The following EML5 variants were observed in gnomAD, a reference collection of about 807,000 sequenced individuals.
EML5 encodes the protein echinoderm microtubule-associated protein-like 5.
Under a neutral mutation model 250.0 loss-of-function variants are expected in EML5, and 120 were observed. The observed-to-expected ratio is 0.48, with a 90% CI of 0.41 to 0.56. The LOEUF (loss-of-function observed/expected upper bound fraction) is 0.56, where lower values mean the gene tolerates loss of function less well. EML5 is among the 20% of genes least tolerant of loss of function. The pLI is 0.00. For missense variants in EML5, 2,006 were observed against 2,437.6 expected (o/e 0.82, Z 3.73); for synonymous variants, 771 against 806.5 (o/e 0.96, Z 0.75).
In EML5 at chr14:88,626,883, C is replaced by T. The variant is rs200107954; in HGVS notation, c.4695G>A (p.Leu1565=). 1.1e-4 allele frequency: 183 copies of T among 1,613,976 alleles called. No individual in the cohort carries two copies. The highest frequency in any genetic ancestry group is 1.5e-4 in the Non-Finnish European group (176 of 1,179,872). The change falls in exon 35 of 44, where the codon CTG becomes CTA. Residue 1565 remains leucine (L), a synonymous_variant. Transcript: ENST00000554922. ...GCATGGTCTGCATCCGGGCATCTTCCAGTGTGCTCAGTAGCCCTTTTTTGC... is the reference window on the plus strand; with the variant it reads ...GCATGGTCTGCATCCGGGCATCTTCTAGTGTGCTCAGTAGCCCTTTTTTGC... The part of the protein sequence containing the change: ...LLSKKGLLST[L]EDARMQTMLA...
intron 1 of EML5, among the ~76,000 whole-genome samples, chr14:88,766,185 A>G (rs141645795): frequency 0.039 from 5,928 of 152,212 alleles, 392 homozygotes; most frequent in African/African-American, 0.13. Flanking sequence ...CAAATTGTTT[A>G]AACAATATGA....
At chr14:88,622,530 A>C (rs1473244598) in intron 37 of EML5, 74 bp downstream of exon 37, 6 of 1,198,992 alleles carry the variant, frequency 5.0e-6, no homozygotes, top group East Asian at 2.6e-5. Context: ...ATTAGGCTGC[A>C]AAGGGTGAGG....
intron 19 of EML5, among the ~76,000 whole-genome samples, chr14:88,685,822 A>T (rs750889441): frequency 4.6e-5 from 7 of 152,116 alleles, no homozygotes; most frequent in Non-Finnish European, 8.8e-5. Flanking sequence ...TAGCTGTTAT[A>T]CTGTATTTTT....
At position 88,674,342 on chromosome 14, in the gene EML5, TCA is replaced by T. The variant is rs576300182; in HGVS notation, c.3124+7546_3124+7547del. Among the ~76,000 whole-genome samples, 12 of 152,300 alleles carry T rather than the reference TCA, an allele frequency of 7.9e-5. 1 individual carries two copies. The South Asian group carries it at 2.3e-3, about 29-fold the overall frequency. Reference sequence around the variant, plus strand: ...TATAAAGGAAAGAGATTTAATTGACTCACAGTTCTGTATTTCTGAGGAGGCCT... The same window carrying T: ...TATAAAGGAAAGAGATTTAATTGACTCAGTTCTGTATTTCTGAGGAGGCCT... On this transcript the variant is annotated intron_variant, in intron 21 of 43. Transcript: ENST00000554922.
At chr14:88,780,980 C>T (rs557440862) in intron 1 of EML5, among the ~76,000 whole-genome samples, 4 of 152,174 alleles carry the variant, frequency 2.6e-5, no homozygotes, top group Non-Finnish European at 5.9e-5. Flanking sequence ...TTGATTAAAT[C>T]ATCTGGTACT....
At position 88,620,625 on chromosome 14, in the gene EML5, T is replaced by C. The variant is rs765744509; in HGVS notation, c.5375+129A>G. 5.6e-5 allele frequency: 42 copies of C among 743,450 alleles called. No individual in the cohort carries two copies. The highest frequency in any genetic ancestry group is 8.1e-5 in the Non-Finnish European group (41 of 505,178). The allele number at this position is 743,450 out of a possible 1,614,324, so 46.1% of individuals were successfully genotyped here. A position where few individuals can be genotyped will look rare whatever the true frequency, so the allele number is the denominator to read the frequency against. On this transcript the variant is annotated intron_variant, in intron 39 of 43. Transcript: ENST00000554922. This position sits in a 1 kb window ranked among gnomAD's most constrained non-coding sequence, Gnocchi z 4.3. ...GTATACAAACAGCCATATTTTAGCA[T>C]ACAATTTATAATACGGGAAATGCTA...
intron 8 of EML5, among the ~76,000 whole-genome samples, chr14:88,721,998 C>A (rs374060566): frequency 1.3e-5 from 2 of 152,048 alleles, no homozygotes; most frequent in African/African-American, 2.4e-5. Flanking sequence ...ATGTGGCCAA[C>A]AAACATATGA....
intron 30 of EML5, among the ~76,000 whole-genome samples, chr14:88,643,388 T>C (rs2091174147): frequency 6.6e-6 from 1 of 151,922 alleles, no homozygotes; most frequent in African/African-American, 2.4e-5. Context: ...AAAAAAACAA[T>C]AAAAAATAAC....
intron 1 of EML5, among the ~76,000 whole-genome samples, chr14:88,781,242 G>A (rs921907592): frequency 6.6e-6 from 1 of 152,212 alleles, no homozygotes; most frequent in African/African-American, 2.4e-5. Flanking sequence ...AAGCTGGTGT[G>A]TTCTGTCAGC....
intron 21 of EML5, among the ~76,000 whole-genome samples, chr14:88,673,909 C>T (rs946169477): frequency 2.6e-5 from 4 of 152,084 alleles, no homozygotes; most frequent in Non-Finnish European, 5.9e-5. Context: ...CATGCTCATA[C>T]ATAGGAAGAA....
chr14:88,626,932 G>T lies in EML5; in HGVS notation c.4646C>A (p.Thr1549Asn). The T allele has an allele frequency of 5.6e-6, 9 of 1,613,930 alleles. No individual in the cohort carries two copies. Among genetic ancestry groups the T allele is most frequent in the Non-Finnish European group, 7.6e-6 (9 of 1,179,862 alleles). Residue 1549 changes from threonine to asparagine, a missense_variant, in exon 35 of 44, where the codon ACC becomes AAC. Thr to Asn is a moderately conservative substitution (Grantham distance 65). This residue lies in a region of EML5 where 405 missense variants were observed against 523.3 expected (regional missense o/e 0.77). Coordinates refer to ENST00000554922, the MANE Select transcript of EML5 (RefSeq NM_183387.3). Reference sequence around the variant, plus strand: ...GCTAAGAAGAGCTCTTCCTGCCAGGGTCCAGAACTTCACATGTTTTACTCC... The same window carrying T: ...GCTAAGAAGAGCTCTTCCTGCCAGGTTCCAGAACTTCACATGTTTTACTCC... Reference protein sequence around the residue: ...SVGVKHVKFWTLAGRALLSKK... With the variant: ...SVGVKHVKFWNLAGRALLSKK...
intron 41 of EML5, chr14:88,618,008 C>A: frequency 9.7e-6 from 2 of 206,110 alleles, no homozygotes; most frequent in Non-Finnish European, 1.5e-5. Context: ...ACTTTGATTT[C>A]CTTAAAAAAA....
At chr14:88,762,514 G>A (rs2094259420) in intron 1 of EML5, among the ~76,000 whole-genome samples, 1 of 151,388 alleles carries the variant, frequency 6.6e-6, no homozygotes, top group African/African-American at 2.4e-5. Context: ...CCATCTCGGG[G>A]GAAAAAAAAA....
At chr14:88,716,235 T>C (rs996579945) in intron 8 of EML5, among the ~76,000 whole-genome samples, 3 of 152,182 alleles carry the variant, frequency 2.0e-5, no homozygotes, top group African/African-American at 7.2e-5. Flanking sequence ...AACATAGTAC[T>C]AGAAATAGAA....
intron 31 of EML5, 48 bp from the exon 32 acceptor site, chr14:88,638,955 C>A: frequency 7.2e-7 from 1 of 1,385,180 alleles, no homozygotes; most frequent in Non-Finnish European, 9.9e-7. Flanking sequence ...TAAGATGTAA[C>A]AGCCAAAAGC....
chr14:88,622,425 T>C (rs1200037290), intron 37 of EML5, 179 bp downstream of exon 37: 1 of 457,368 alleles, frequency 2.2e-6, no homozygotes, highest in Non-Finnish European at 3.8e-6. Context: ...TCCTAGCTTA[T>C]GCACCACACT....
chr14:88,757,656 AAAGGATTTTAACAGACATACCCCC>A (rs1488579836), intron 1 of EML5, among the ~76,000 whole-genome samples: 2 of 152,168 alleles, frequency 1.3e-5, no homozygotes, highest in Non-Finnish European at 2.9e-5. Context: ...TCAAACAAAT[AAAGGATTTTAACAGACATACCCCC>A]AAGGAAGATA....
intron 17 of EML5, among the ~76,000 whole-genome samples, chr14:88,691,003 T>C (rs1413902494): frequency 6.6e-6 from 1 of 152,202 alleles, no homozygotes; most frequent in East Asian, 1.9e-4. Flanking sequence ...ACCCAGGGTC[T>C]GCCTCCCTGG....
chr14:88,633,189 AC>A (rs1369486445), intron 33 of EML5, among the ~76,000 whole-genome samples: 4 of 152,114 alleles, frequency 2.6e-5, no homozygotes, highest in Non-Finnish European at 1.5e-5. Context: ...CTCTGAAAAA[AC>A]AAATACTTTG....
Sources: allele counts gnomAD v4.1 joint callset (sites outside exome capture counted in the v4.1 genomes callset), GRCh38; gene constraint gnomAD v4.1.1; regional missense constraint gnomAD v4.1.1; non-coding constraint Gnocchi (gnomAD v3.1); transcripts MANE v1.5; gene names NCBI Gene and HGNC (gene_info 2026-07-23, HGNC 2026-07-21).